Variants in YWHAE observed in about 807,000 individuals in gnomAD.
YWHAE encodes 14-3-3 protein epsilon.
In YWHAE, 4 loss-of-function variants were observed where a neutral mutation model predicts 30.1. The ratio of observed to expected loss-of-function variants is 0.13; its 90% CI spans 0.07 to 0.30. The LOEUF is 0.30. Among genes scored for constraint, YWHAE ranks in the 10% least tolerant of loss-of-function variants. The pLI is 1.00. For synonymous variants in YWHAE, 118 were observed against 111.8 expected (o/e 1.06, Z -0.35); for missense variants, 121 against 315.9 (o/e 0.38, Z 4.68).
At chr17:1,392,931 G>A (rs1224987836) in intron 1 of YWHAE, among the ~76,000 whole-genome samples, 1 of 151,860 alleles carries the variant, frequency 6.6e-6, no homozygotes, top group African/African-American at 2.4e-5. Flanking sequence ...GGCCGGGGGT[G>A]GTGGCTCACG....
At chr17:1,359,909 GGGAGAC>G (rs2072830509) in intron 4 of YWHAE, among the ~76,000 whole-genome samples, 1 of 105,686 alleles carries the variant, frequency 9.5e-6, no homozygotes, top group Admixed American at 9.6e-5. Flanking sequence ...GGGAGAGAGA[GGGAGAC>G]GGGGAGGGGG....
chr17:1,367,133 C>T (rs7219635), intron 1 of YWHAE, among the ~76,000 whole-genome samples: 111,501 of 152,090 alleles, frequency 0.73, 42,149 homozygotes, highest in African/African-American at 0.91. Flanking sequence ...TCAGCAATCC[C>T]AATTCTATGC....
chr17:1,348,904 T>C (rs2072570687), intron 5 of YWHAE, among the ~76,000 whole-genome samples: 1 of 151,382 alleles, frequency 6.6e-6, no homozygotes, highest in South Asian at 2.1e-4. Context: ...CGGGCACCTG[T>C]AGTCCCAGCT....
chr17:1,382,071 T>C (rs1426524905), intron 1 of YWHAE, among the ~76,000 whole-genome samples: 2 of 152,082 alleles, frequency 1.3e-5, no homozygotes, highest in Admixed American at 1.3e-4. Context: ...TGTTTTGAGA[T>C]GGAGTCTCGC....
intron 4 of YWHAE, among the ~76,000 whole-genome samples, chr17:1,356,975 A>G (rs1278692523): frequency 4.6e-5 from 7 of 151,568 alleles, no homozygotes; most frequent in Non-Finnish European, 7.4e-5. Context: ...AAACACATAC[A>G]AAAACCAAAA....
At chr17:1,349,533 A>G (rs116614098) in intron 5 of YWHAE, among the ~76,000 whole-genome samples, 2,202 of 152,338 alleles carry the variant, frequency 0.014, 43 homozygotes, top group African/African-American at 0.051. Flanking sequence ...AATAAAAATT[A>G]AGTGAAAATT....
intron 1 of YWHAE, among the ~76,000 whole-genome samples, chr17:1,396,382 C>G (rs1446595744): frequency 6.6e-6 from 1 of 151,682 alleles, no homozygotes; most frequent in Non-Finnish European, 1.5e-5. Context: ...CGAGATTGTG[C>G]CACTTCAATA....
intron 1 of YWHAE, among the ~76,000 whole-genome samples, chr17:1,395,454 G>A (rs1366635051): frequency 6.6e-6 from 1 of 152,154 alleles, no homozygotes; most frequent in Non-Finnish European, 1.5e-5. Flanking sequence ...GCTTGAACCT[G>A]GGAGGCGGAG....
chr17:1,362,039 A>G (rs1293843009), intron 2 of YWHAE, 31 bp from the exon 3 acceptor site: 1 of 1,335,306 alleles, frequency 7.5e-7, no homozygotes, highest in Admixed American at 2.5e-5. Context: ...TTTAAATCAG[A>G]TTAAGTCTAG....
At position 1,400,061 on chromosome 17, in the gene YWHAE, G is replaced by A; in HGVS notation, c.50C>T (p.Ala17Val). 1 of 1,613,362 alleles carries A rather than the reference G, an allele frequency of 6.2e-7. No individual in the cohort carries two copies. Among genetic ancestry groups the A allele is most frequent in the Non-Finnish European group, 8.5e-7 (1 of 1,179,540 alleles). Residue 17 changes from alanine to valine, a missense_variant, in exon 1 of 6, where the codon GCT becomes GTT. This residue lies in a region of YWHAE where 99 missense variants were observed against 289.3 expected (regional missense o/e 0.34). Transcript: ENST00000264335. ...CCCCAACTCACCGTCGTATCGCTCA[G>A]CCTGCTCGGCCAGCTTCGCCTGGTA... ...LVYQAKLAEQAERYDEMVESM... is the reference protein window; with the variant it reads ...LVYQAKLAEQVERYDEMVESM...
At chr17:1,396,160 C>T (rs1598276085) in intron 1 of YWHAE, among the ~76,000 whole-genome samples, 1 of 151,626 alleles carries the variant, frequency 6.6e-6, no homozygotes, top group Non-Finnish European at 1.5e-5. Flanking sequence ...TGGCTCAGGT[C>T]CTTAATGTCA....
At chr17:1,375,094 T>G (rs566459694) in intron 1 of YWHAE, among the ~76,000 whole-genome samples, 1 of 152,270 alleles carries the variant, frequency 6.6e-6, no homozygotes, top group South Asian at 2.1e-4. Context: ...CATCACTCCT[T>G]CAAGAGTATG....
intron 1 of YWHAE, chr17:1,399,758 CGGGA>C: frequency 1.6e-5 from 5 of 319,056 alleles, no homozygotes; most frequent in South Asian, 3.2e-5. Flanking sequence ...TCCCCCGCCC[CGGGA>C]CTCGCCCTCC....
intron 1 of YWHAE, among the ~76,000 whole-genome samples, chr17:1,393,603 G>T (rs1454411509): frequency 2.0e-5 from 3 of 152,122 alleles, no homozygotes; most frequent in Non-Finnish European, 4.4e-5. Context: ...GCTAATTTTT[G>T]TATTTTTAGT....
At chr17:1,355,561 G>T (rs543177727) in intron 4 of YWHAE, among the ~76,000 whole-genome samples, 2 of 152,142 alleles carry the variant, frequency 1.3e-5, no homozygotes, top group South Asian at 4.1e-4. Flanking sequence ...CAACACAGAC[G>T]CCATGGAAAT....
At chr17:1,397,515 G>A (rs1332513079) in intron 1 of YWHAE, among the ~76,000 whole-genome samples, 1 of 152,068 alleles carries the variant, frequency 6.6e-6, no homozygotes, top group Non-Finnish European at 1.5e-5. Flanking sequence ...AGAAGTTTAG[G>A]CACTAATTCA....
chr17:1,393,320 C>CAA (rs879836225), intron 1 of YWHAE, among the ~76,000 whole-genome samples: 10 of 102,134 alleles, frequency 9.8e-5, no homozygotes, highest in African/African-American at 3.3e-4. Context: ...GACCCTGTCT[C>CAA]AAAAAAAAAA....
In YWHAE at chr17:1,361,888, A is replaced by C. The variant is rs756371205; in HGVS notation, c.371+14T>G. 1 of 1,547,862 alleles carries C rather than the reference A, an allele frequency of 6.5e-7. No individual in the cohort carries two copies. Among genetic ancestry groups the C allele is most frequent in the Non-Finnish European group, 8.7e-7 (1 of 1,143,416 alleles). On this transcript the variant is annotated intron_variant, in intron 3 of 5. Coordinates refer to ENST00000264335, the MANE Select transcript of YWHAE (RefSeq NM_006761.5). ...CTTTCAATCTTACATTTTCCCTTCTAGTATAGAACCTACATTTTATAATAG... is the reference window on the plus strand; with the variant it reads ...CTTTCAATCTTACATTTTCCCTTCTCGTATAGAACCTACATTTTATAATAG...
At chr17:1,391,893 G>T (rs1249733798) in intron 1 of YWHAE, among the ~76,000 whole-genome samples, 1 of 152,144 alleles carries the variant, frequency 6.6e-6, no homozygotes, top group East Asian at 1.9e-4. Flanking sequence ...ACATCAGCCT[G>T]GGCAATCCGC....
Sources: gnomAD v4.1 joint callset for allele counts (sites outside exome capture counted in the v4.1 genomes callset) on GRCh38, gnomAD v4.1.1 for gene constraint, gnomAD v4.1.1 regional missense constraint, MANE v1.5 for transcripts, NCBI Gene and HGNC (gene_info 2026-07-23, HGNC 2026-07-21) for gene names.